The following SLC10A7 variants were observed in gnomAD, a reference collection of about 807,000 sequenced individuals.
SLC10A7 encodes sodium/bile acid cotransporter 7.
A neutral mutation model predicts 43.2 loss-of-function variants in SLC10A7; 29 were observed. That is an observed-to-expected ratio of 0.67 (90% CI 0.50 to 0.92). SLC10A7 has a LOEUF of 0.92. SLC10A7 is among the 40% of genes least tolerant of loss of function. SLC10A7 has a pLI of 0.00. For missense variants in SLC10A7, 295 were observed against 403.2 expected (o/e 0.73, Z 2.30); for synonymous variants, 152 against 144.8 (o/e 1.05, Z -0.35).
intron 5 of SLC10A7, among the ~76,000 whole-genome samples, chr4:146,334,681 G>A (rs1036316394): frequency 2.0e-5 from 3 of 152,072 alleles, no homozygotes; most frequent in African/African-American, 7.2e-5. Flanking sequence ...GAGGCAGCAG[G>A]GAAGGAGCCC....
chr4:146,411,832 C>A lies in SLC10A7; in HGVS notation c.435+30951G>T, dbSNP rs1728215538. On this transcript the variant is annotated intron_variant, in intron 5 of 11. Transcript: ENST00000335472. ...TTAAAATATAGAGATGTAAGTCATGCATTTGCTGGAATAAAACTTACATAA... is the reference window on the plus strand; with the variant it reads ...TTAAAATATAGAGATGTAAGTCATGAATTTGCTGGAATAAAACTTACATAA... Among the ~76,000 whole-genome samples, 5 of 152,104 alleles carry A rather than the reference C, an allele frequency of 3.3e-5. No individual in the cohort carries two copies. In the South Asian group the frequency reaches 8.3e-4, roughly 25 times the overall value.
chr4:146,269,119 A>T (rs746421408), intron 10 of SLC10A7, among the ~76,000 whole-genome samples: 1 of 152,244 alleles, frequency 6.6e-6, no homozygotes, highest in Non-Finnish European at 1.5e-5. Flanking sequence ...TATGTAAATA[A>T]AGATGCAAGA....
intron 4 of SLC10A7, among the ~76,000 whole-genome samples, chr4:146,456,383 A>G (rs1277823696): frequency 6.6e-6 from 1 of 151,898 alleles, no homozygotes; most frequent in Non-Finnish European, 1.5e-5. Flanking sequence ...AACCACCTAG[A>G]ATTAGTGTCA....
intron 5 of SLC10A7, among the ~76,000 whole-genome samples, chr4:146,357,629 C>T (rs370856806): frequency 2.6e-5 from 4 of 152,148 alleles, no homozygotes; most frequent in African/African-American, 9.7e-5. Context: ...GATTGGTAAG[C>T]GCAACTTATT....
chr4:146,391,152 T>A (rs1437969981), intron 5 of SLC10A7, among the ~76,000 whole-genome samples: 1 of 152,242 alleles, frequency 6.6e-6, no homozygotes, highest in East Asian at 1.9e-4. Context: ...AAAGGACATG[T>A]AGACCATATA....
intron 6 of SLC10A7, among the ~76,000 whole-genome samples, chr4:146,320,689 A>T (rs1362053769): frequency 3.3e-5 from 5 of 152,108 alleles, no homozygotes; most frequent in African/African-American, 9.7e-5. Context: ...TGAAAATACC[A>T]AGAATCTTTA....
intron 4 of SLC10A7, among the ~76,000 whole-genome samples, chr4:146,456,661 GAAC>G (rs1283627705): frequency 6.6e-6 from 1 of 151,924 alleles, no homozygotes; most frequent in Non-Finnish European, 1.5e-5. Flanking sequence ...CTCTCTCAGA[GAAC>G]ATCAAGATGC....
At chr4:146,498,887 C>G (rs948200200) in intron 4 of SLC10A7, among the ~76,000 whole-genome samples, 2 of 152,112 alleles carry the variant, frequency 1.3e-5, no homozygotes, top group African/African-American at 2.4e-5. Context: ...ATGACAAAAT[C>G]TTTTGGTAAC....
chr4:146,458,707 T>C (rs183059335), intron 4 of SLC10A7, among the ~76,000 whole-genome samples: 32 of 151,982 alleles, frequency 2.1e-4, no homozygotes, highest in Admixed American at 1.7e-3. Flanking sequence ...TTCCTCGTTT[T>C]TACTATAAAA....
intron 5 of SLC10A7, among the ~76,000 whole-genome samples, chr4:146,339,807 CG>C (rs1734129511): frequency 1.4e-5 from 2 of 147,392 alleles, no homozygotes; most frequent in Non-Finnish European, 3.0e-5. Context: ...TTTCATTTGT[CG>C]TTTTTTTTTT....
intron 5 of SLC10A7, among the ~76,000 whole-genome samples, chr4:146,393,477 A>G (rs1366804038): frequency 6.6e-6 from 1 of 152,184 alleles, no homozygotes; most frequent in Non-Finnish European, 1.5e-5. Flanking sequence ...AACAACTTTG[A>G]CATAATCAGT....
chr4:146,335,815 G>A (rs1446044274), intron 5 of SLC10A7, among the ~76,000 whole-genome samples: 1 of 152,020 alleles, frequency 6.6e-6, no homozygotes, highest in Non-Finnish European at 1.5e-5. Context: ...CTAACCAACT[G>A]AAGTGACTTC....
intron 5 of SLC10A7, among the ~76,000 whole-genome samples, chr4:146,418,561 T>A (rs928480014): frequency 1.2e-4 from 19 of 152,282 alleles, no homozygotes; most frequent in Middle Eastern, 3.4e-3. Flanking sequence ...AGATTTTTTT[T>A]AAAAAAGAAT....
chr4:146,275,148 C>T (rs900159669), intron 10 of SLC10A7, among the ~76,000 whole-genome samples: 1 of 152,144 alleles, frequency 6.6e-6, no homozygotes, highest in African/African-American at 2.4e-5. Flanking sequence ...CCTTAAAATT[C>T]AGAATCAGTA....
chr4:146,288,709 A>T (rs1291925387), intron 9 of SLC10A7, among the ~76,000 whole-genome samples: 1 of 152,202 alleles, frequency 6.6e-6, no homozygotes, highest in Non-Finnish European at 1.5e-5. Flanking sequence ...ATTCTCACTG[A>T]TTAACATCTC....
intron 2 of SLC10A7, 128 bp downstream of exon 2, chr4:146,516,910 T>A (rs1738056338): frequency 3.0e-6 from 2 of 668,586 alleles, no homozygotes; most frequent in African/African-American, 3.6e-5. Context: ...GCCGACCAAG[T>A]TATCTTCTGC....
intron 7 of SLC10A7, among the ~76,000 whole-genome samples, chr4:146,297,075 G>T (rs1730836169): frequency 6.6e-6 from 1 of 152,126 alleles, no homozygotes; most frequent in African/African-American, 2.4e-5. Context: ...AATCCAAGAT[G>T]AGGTGGGAGA....
chr4:146,364,825 G>A (rs150219178), intron 5 of SLC10A7, among the ~76,000 whole-genome samples: 2 of 151,944 alleles, frequency 1.3e-5, no homozygotes, highest in African/African-American at 4.8e-5. Flanking sequence ...TGGAATGATG[G>A]GTATCCCAAT....
chr4:146,372,568 A>G (rs994193227), intron 5 of SLC10A7, among the ~76,000 whole-genome samples: 1 of 152,116 alleles, frequency 6.6e-6, no homozygotes, highest in Non-Finnish European at 1.5e-5. Context: ...CATATTGCCC[A>G]CTAAGTAAAA....
Sources: allele counts gnomAD v4.1 joint callset (sites outside exome capture counted in the v4.1 genomes callset), GRCh38; gene constraint gnomAD v4.1.1; transcripts MANE v1.5; gene names NCBI Gene and HGNC (gene_info 2026-07-23, HGNC 2026-07-21).